The following NRAP variants were observed in gnomAD, a reference collection of about 807,000 sequenced individuals.
NRAP encodes the protein nebulin-related-anchoring protein.
Under a neutral mutation model 225.9 loss-of-function variants are expected in NRAP, and 189 were observed. The observed-to-expected ratio is 0.84, with a 90% CI of 0.74 to 0.94. The LOEUF is 0.94. Ranked by LOEUF, NRAP falls within the 40% of genes least tolerant of loss-of-function variation. NRAP has a pLI of 0.00. For missense variants in NRAP, 2,176 were observed against 2,168.7 expected (o/e 1.00, Z -0.07); for synonymous variants, 769 against 790.7 (o/e 0.97, Z 0.46).
intron 32 of NRAP, among the ~76,000 whole-genome samples, chr10:113,608,134 A>G (rs1847106054): frequency 6.6e-6 from 1 of 152,196 alleles, no homozygotes; most frequent in African/African-American, 2.4e-5. Context: ...ATTTGGAGTC[A>G]GTAGATCTGA....
Position 113,605,685 on chromosome 10 carries a change from A to C in NRAP, c.3915+77T>G, listed in dbSNP as rs528825114. 157 of 972,462 alleles carry C rather than the reference A, an allele frequency of 1.6e-4. 1 individual carries two copies. Among genetic ancestry groups the C allele is most frequent in the Admixed American group, 3.7e-4 (20 of 54,696 alleles). 60.2% of individuals were successfully genotyped at this position (972,462 alleles called of 1,614,324 possible). A position where few individuals can be genotyped will look rare whatever the true frequency, so the allele number is the denominator to read the frequency against. ...GGTTATAGATTTGCTTTAATTCAGG[A>C]AAATCAGCCGTAGACATTGTTTTAC... On this transcript the variant is annotated intron_variant, in intron 34 of 41. Coordinates refer to ENST00000359988, the MANE Select transcript of NRAP (RefSeq NM_198060.4).
At chr10:113,622,459 G>T (rs1368191728) in intron 23 of NRAP, among the ~76,000 whole-genome samples, 1 of 152,146 alleles carries the variant, frequency 6.6e-6, no homozygotes, top group Non-Finnish European at 1.5e-5. Flanking sequence ...AATAGCCAAA[G>T]TACAATTGCT....
Position 113,642,804 on chromosome 10 carries a change from G to C in NRAP, c.1215+130C>G, listed in dbSNP as rs143425675. Reference sequence around the variant, plus strand: ...GCAGGCAACCTTAACCAAAACCCAGGCATTTATGCCTAAAAGGCCATGCTT... The same window carrying C: ...GCAGGCAACCTTAACCAAAACCCAGCCATTTATGCCTAAAAGGCCATGCTT... On this transcript the variant is annotated intron_variant, in intron 12 of 41. Transcript: ENST00000359988. The C allele has an allele frequency of 3.5e-4, 219 of 617,338 alleles. 2 individuals are homozygous for C. The highest frequency in any genetic ancestry group is 3.4e-3 in the African/African-American group (185 of 54,224). The allele number at this position is 617,338 out of a possible 1,614,324, so 38.2% of individuals were successfully genotyped here. A position where few individuals can be genotyped will look rare whatever the true frequency, so the allele number is the denominator to read the frequency against.
At chr10:113,593,922 T>C (rs752210879) in intron 38 of NRAP, among the ~76,000 whole-genome samples, 2 of 152,224 alleles carry the variant, frequency 1.3e-5, no homozygotes, top group Non-Finnish European at 2.9e-5. Flanking sequence ...CAGGGTCAAC[T>C]AGAAAGCATG....
chr10:113,610,555 G>A lies in NRAP; in HGVS notation c.3507C>T (p.Tyr1169=). 6.3e-7 allele frequency: 1 copy of A among 1,582,080 alleles called. No homozygotes were observed. The highest frequency in any genetic ancestry group is 1.1e-5 in the South Asian group (1 of 90,444). The change falls in exon 31 of 42, where the codon TAC becomes TAT. Residue 1169 remains tyrosine, a synonymous_variant. Transcript: ENST00000359988. ...KAHKLQSENL[Y]RSDLNFMRGV... ...CTCGCATAAAGTTCAGGTCTGACCG[G>A]TACAAATTCTAGAAGAAATAATAAA...
At chr10:113,589,328 C>T in intron 41 of NRAP, 1 of 576,032 alleles carries the variant, frequency 1.7e-6, no homozygotes, top group Non-Finnish European at 3.1e-6. Context: ...TGCAGACTGT[C>T]ATATCCAGCG....
intron 23 of NRAP, 81 bp from the exon 24 acceptor site, chr10:113,622,261 G>T: frequency 3.3e-6 from 3 of 921,090 alleles, no homozygotes; most frequent in Non-Finnish European, 5.1e-6. Flanking sequence ...CATGGGAGCT[G>T]AAACAAAGCC....
In NRAP at chr10:113,597,127, C is replaced by A. The variant is rs1846327547; in HGVS notation, c.4390G>T (p.Asp1464Tyr). The stretch of plus-strand genomic sequence containing the variant: ...TAGCTGTTCTTGGCATGAACCAGGT[C>A]TGGGGAGTCAACCACTGTGGTGAAC... ...IKFTTVVDSP[D>Y]LVHAKNSYMH... is the part of the protein sequence containing the mutation. Residue 1464 changes from aspartate (D) to tyrosine (Y), a missense_variant, in exon 37 of 42, where the codon GAC (aspartate) becomes TAC (tyrosine). Asp to Tyr is a radical substitution (Grantham distance 160). This residue lies in a region of NRAP where 445 missense variants were observed against 426.1 expected (regional missense o/e 1.04). Transcript: ENST00000359988. The A allele has an allele frequency of 6.2e-7, 1 of 1,613,790 alleles. No homozygotes were observed. The highest frequency in any genetic ancestry group is 2.2e-5 in the East Asian group (1 of 44,896).
chr10:113,652,788 A>G lies in NRAP; in HGVS notation c.570+147T>C, dbSNP rs181059900. On this transcript the variant is annotated intron_variant, in intron 6 of 41. Transcript: ENST00000359988. ...GCACAGAGAATACTTGACGGGGAAA[A>G]GTAAGAACACAGTTTTCTCTGTAAT... 9.7e-4 allele frequency: 609 copies of G among 630,048 alleles called. 2 individuals are homozygous for G. The African/African-American group carries it at 0.01, about 11-fold the overall frequency. The allele number at this position is 630,048 out of a possible 1,614,324, so 39.0% of individuals were successfully genotyped here.
intron 11 of NRAP, among the ~76,000 whole-genome samples, chr10:113,645,487 G>A (rs887626363): frequency 3.3e-5 from 5 of 152,044 alleles, no homozygotes; most frequent in East Asian, 1.9e-4. Context: ...GCACTATCTC[G>A]GCTCACCGCG....
chr10:113,657,045 G>A (rs1175653770), intron 4 of NRAP, among the ~76,000 whole-genome samples: 4 of 152,298 alleles, frequency 2.6e-5, no homozygotes, highest in African/African-American at 7.2e-5. Context: ...AGGAAGCTGG[G>A]AGCCTCCTGA....
intron 9 of NRAP, among the ~76,000 whole-genome samples, chr10:113,648,700 T>C (rs1849751401): frequency 6.6e-6 from 1 of 152,080 alleles, no homozygotes; most frequent in Non-Finnish European, 1.5e-5. Context: ...AACAGTGAAA[T>C]GCCATGCTAG....
intron 37 of NRAP, among the ~76,000 whole-genome samples, chr10:113,596,065 G>A (rs925865336): frequency 6.6e-6 from 1 of 151,940 alleles, no homozygotes; most frequent in Admixed American, 6.6e-5. Flanking sequence ...CTTTGCAATT[G>A]AGCATTGGAC....
At chr10:113,624,737 C>T (rs979726201) in intron 22 of NRAP, 89 bp downstream of exon 22, 5 of 866,954 alleles carry the variant, frequency 5.8e-6, no homozygotes, top group Non-Finnish European at 9.7e-6. Flanking sequence ...TTGATACAGA[C>T]ACTATGCCAT....
intron 1 of NRAP, 45 bp from the exon 2 acceptor site, chr10:113,663,491 C>T (rs1179127846): frequency 1.7e-6 from 2 of 1,185,732 alleles, no homozygotes; most frequent in Admixed American, 3.5e-5. Flanking sequence ...CTTTTCCCCC[C>T]AGACTCAAGG....
intron 25 of NRAP, among the ~76,000 whole-genome samples, chr10:113,618,198 T>C (rs1387633607): frequency 2.0e-5 from 3 of 151,760 alleles, no homozygotes; most frequent in Non-Finnish European, 4.4e-5. Flanking sequence ...AGATACCCAA[T>C]TTTGAAGTAT....
intron 28 of NRAP, 82 bp from the exon 29 acceptor site, chr10:113,614,378 G>A (rs1008137391): frequency 2.0e-6 from 2 of 1,009,050 alleles, no homozygotes; most frequent in Non-Finnish European, 3.1e-6. Flanking sequence ...GGGTGAAAAT[G>A]TTTTGTTCTT....
rs564108082 is a variant in NRAP at position 113,629,086 on chromosome 10, G to A, written c.2041-65C>T. ...GATAGAGACAGGACAAAGTTGATGG[G>A]AGAGTTAAGAAGATCTTGATCCTGC... On this transcript the variant is annotated intron_variant, in intron 19 of 41. Transcript: ENST00000359988. 3 of 1,127,788 alleles carry A rather than the reference G, an allele frequency of 2.7e-6. No individual in the cohort carries two copies. The South Asian group carries it at 3.7e-5, about 14-fold the overall frequency. 69.9% of individuals were successfully genotyped at this position (1,127,788 alleles called of 1,614,324 possible).
intron 31 of NRAP, among the ~76,000 whole-genome samples, chr10:113,610,217 G>A (rs1847240153): frequency 2.6e-5 from 4 of 151,884 alleles, no homozygotes; most frequent in African/African-American, 9.7e-5. Flanking sequence ...AGGCATGGTG[G>A]CACTCACCTG....
Sources: allele counts gnomAD v4.1 joint callset (sites outside exome capture counted in the v4.1 genomes callset), GRCh38; gene constraint gnomAD v4.1.1; regional missense constraint gnomAD v4.1.1; transcripts MANE v1.5; gene names NCBI Gene and HGNC (gene_info 2026-07-23, HGNC 2026-07-21).